The following SMCHD1 variants were observed in gnomAD, a reference collection of about 807,000 sequenced individuals.
SMCHD1 encodes structural maintenance of chromosomes flexible hinge domain-containing protein 1.
A neutral mutation model predicts 254.7 loss-of-function variants in SMCHD1; 78 were observed. That is an observed-to-expected ratio of 0.31 (90% CI 0.26 to 0.37). The LOEUF is 0.37. SMCHD1 is among the 10% of genes least tolerant of loss of function. SMCHD1 has a pLI of 1.00. For missense variants in SMCHD1, 1,840 were observed against 2,408.1 expected (o/e 0.76, Z 4.94); for synonymous variants, 766 against 794.9 (o/e 0.96, Z 0.61).
chr18:2,688,725 G>C lies in SMCHD1; in HGVS notation c.851G>C (p.Ser284Thr). ...GAGAAAAATAAAGAGGCAATATATA[G>C]TGGATATATTAGAAACAGAAAGGTA... ...KKEKNKEAIYSGYIRNRKPSD... is the reference protein window; with the variant it reads ...KKEKNKEAIYTGYIRNRKPSD... Residue 284 changes from serine to threonine, a missense_variant, in exon 7 of 48, where the codon AGT (serine) becomes ACT (threonine). Coordinates refer to ENST00000320876, the MANE Select transcript of SMCHD1 (RefSeq NM_015295.3). 1 of 1,398,016 alleles carries C rather than the reference G, an allele frequency of 7.2e-7. No individual in the cohort carries two copies. Among genetic ancestry groups the C allele is most frequent in the Non-Finnish European group, 9.9e-7 (1 of 1,013,818 alleles). The allele number at this position is 1,398,016 out of a possible 1,614,324, so 86.6% of individuals were successfully genotyped here.
intron 7 of SMCHD1, among the ~76,000 whole-genome samples, chr18:2,693,107 A>G (rs1659699986): frequency 6.6e-6 from 1 of 152,248 alleles, no homozygotes. Flanking sequence ...TTAGAATTTG[A>G]TAGACAAATT....
At chr18:2,661,335 TAA>T (rs34594870) in intron 1 of SMCHD1, among the ~76,000 whole-genome samples, 2,712 of 144,348 alleles carry the variant, frequency 0.019, 40 homozygotes, top group Middle Eastern at 0.099. Flanking sequence ...TCCAGGAACT[TAA>T]AAAAAAAAAA....
intron 44 of SMCHD1, among the ~76,000 whole-genome samples, chr18:2,779,584 T>A (rs2076121440): frequency 6.6e-6 from 1 of 152,162 alleles, no homozygotes; most frequent in Admixed American, 6.5e-5. Context: ...TATTCTAGAA[T>A]CACGGGGACT....
intron 39 of SMCHD1, 37 bp downstream of exon 39, chr18:2,770,145 T>C: frequency 6.3e-7 from 1 of 1,584,150 alleles, no homozygotes; most frequent in Non-Finnish European, 8.5e-7. Context: ...AATTATGCTT[T>C]GGGGAATGAT....
Position 2,794,602 on chromosome 18 carries a change from G to A in SMCHD1, c.5720-1347G>A, listed in dbSNP as rs77948140. Among the ~76,000 whole-genome samples the A allele has an allele frequency of 9.8e-5, 15 of 152,286 alleles. No homozygotes were observed. The East Asian group carries it at 2.9e-3, about 29-fold the overall frequency. ...GAGTATAGTTACTATTTAATACTTA[G>A]TGTCTAGTAAATCATGGAGACAGGC... On this transcript the variant is annotated intron_variant, in intron 45 of 47. Transcript: ENST00000320876.
chr18:2,763,372 A>G (rs2075818321), intron 36 of SMCHD1, among the ~76,000 whole-genome samples: 1 of 152,324 alleles, frequency 6.6e-6, no homozygotes, highest in African/African-American at 2.4e-5. Context: ...AGTACATGAA[A>G]AGGTGATATT....
In SMCHD1 at chr18:2,741,052, A is replaced by G. The variant is rs28377858; in HGVS notation, c.3633+231A>G. Among the ~76,000 whole-genome samples, 30,946 of 152,162 alleles carry G rather than the reference A, an allele frequency of 0.2. 3,396 individuals carry two copies. Among genetic ancestry groups the G allele is most frequent in the South Asian group, 0.33 (1,615 of 4,822 alleles). ...CAACAGTCATCATTCTCCCCATACC[A>G]TATCATTTTGAAGCAAATTCCAGAC... On this transcript the variant is annotated intron_variant, in intron 28 of 47. Coordinates refer to ENST00000320876, the MANE Select transcript of SMCHD1 (RefSeq NM_015295.3).
intron 23 of SMCHD1, 146 bp downstream of exon 23, chr18:2,728,742 GTTT>G (rs67636305): frequency 3.5e-4 from 187 of 534,516 alleles, no homozygotes; most frequent in South Asian, 5.7e-4. Context: ...ATTGCCAATA[GTTT>G]TTTTTTTTTA....
intron 37 of SMCHD1, among the ~76,000 whole-genome samples, chr18:2,765,771 T>C (rs1037892694): frequency 3.3e-5 from 5 of 152,212 alleles, no homozygotes; most frequent in African/African-American, 1.2e-4. Flanking sequence ...TTACCACTTA[T>C]ATTCACACTT....
chr18:2,763,143 T>G (rs2143697063), intron 36 of SMCHD1, among the ~76,000 whole-genome samples: 1 of 152,278 alleles, frequency 6.6e-6, no homozygotes. Context: ...TCCCTAGACA[T>G]CTCTTCTTTT....
chr18:2,658,142 T>C (rs962947562), intron 1 of SMCHD1, among the ~76,000 whole-genome samples: 5 of 152,250 alleles, frequency 3.3e-5, no homozygotes, highest in African/African-American at 1.2e-4. Flanking sequence ...TTTGCTTAGT[T>C]TGAAATCTTA....
Position 2,739,488 on chromosome 18 carries a change from T to G in SMCHD1, c.3482T>G (p.Val1161Gly), listed in dbSNP as rs1184910900. Residue 1161 changes from valine to glycine, a missense_variant, in exon 27 of 48, where the codon GTA becomes GGA. Physicochemically the swap from Val to Gly is moderately radical, Grantham distance 109. Coordinates refer to ENST00000320876, the MANE Select transcript of SMCHD1 (RefSeq NM_015295.3). The stretch of plus-strand genomic sequence containing the variant: ...TGTGAAATGAAAGGAGGAAAAACAG[T>G]ACAGATGGGCCAAGAGCTTCAAGGA... ...LKCEMKGGKT[V>G]QMGQELQGEV... 7.4e-6 allele frequency: 12 copies of G among 1,613,244 alleles called. No homozygotes were observed. The highest frequency in any genetic ancestry group is 1.0e-5 in the Non-Finnish European group (12 of 1,179,470).
At chr18:2,679,495 A>AAACAAAAAAAAAAAAACAC in intron 5 of SMCHD1, among the ~76,000 whole-genome samples, 1 of 149,840 alleles carries the variant, frequency 6.7e-6, no homozygotes, top group Non-Finnish European at 1.5e-5. Context: ...AAAAAAAAAA[A>AAACAAAAAAAAAAAAACAC]AAAAGGAACT....
At chr18:2,709,859 A>C (rs1362170710) in intron 17 of SMCHD1, among the ~76,000 whole-genome samples, 1 of 152,166 alleles carries the variant, frequency 6.6e-6, no homozygotes, top group African/African-American at 2.4e-5. Context: ...TTGCTTTTTC[A>C]CTTTGTCAAT....
At chr18:2,670,336 C>T (rs1355125913) in intron 3 of SMCHD1, among the ~76,000 whole-genome samples, 1 of 152,098 alleles carries the variant, frequency 6.6e-6, no homozygotes, top group Non-Finnish European at 1.5e-5. Flanking sequence ...TCCTCCAAGT[C>T]TTGGTTATCT....
At chr18:2,694,456 T>A (rs766698349) in intron 7 of SMCHD1, 71 bp from the exon 8 acceptor site, 2 of 1,255,670 alleles carry the variant, frequency 1.6e-6, no homozygotes, top group Non-Finnish European at 2.2e-6. Context: ...CATTAAAATT[T>A]GATGCAATAG....
chr18:2,675,642 A>G (rs141217608), intron 5 of SMCHD1, among the ~76,000 whole-genome samples: 2 of 152,300 alleles, frequency 1.3e-5, no homozygotes, highest in East Asian at 3.9e-4. Flanking sequence ...GCCAGGGAGA[A>G]GGCAAAGACC....
At chr18:2,755,307 G>A (rs889955149) in intron 34 of SMCHD1, among the ~76,000 whole-genome samples, 3 of 151,864 alleles carry the variant, frequency 2.0e-5, no homozygotes, top group African/African-American at 4.8e-5. Context: ...CAACTAGCTG[G>A]GACTATGGGC....
At chr18:2,659,868 T>G (rs2073194589) in intron 1 of SMCHD1, among the ~76,000 whole-genome samples, 1 of 152,118 alleles carries the variant, frequency 6.6e-6, no homozygotes, top group Admixed American at 6.5e-5. Flanking sequence ...TTGCAGAGTT[T>G]CAGAGCAGTG....
Sources: gnomAD v4.1 joint callset for allele counts (sites outside exome capture counted in the v4.1 genomes callset) on GRCh38, gnomAD v4.1.1 for gene constraint, MANE v1.5 for transcripts, NCBI Gene and HGNC (gene_info 2026-07-23, HGNC 2026-07-21) for gene names.